Variants in SLC24A2 observed in about 807,000 individuals in gnomAD.
SLC24A2 encodes the protein sodium/potassium/calcium exchanger 2.
SLC24A2 carries 36 observed loss-of-function variants against 62.0 expected under a neutral mutation model. The observed-to-expected ratio is 0.58, with a 90% CI of 0.44 to 0.77. The LOEUF is 0.77. Among genes scored for constraint, SLC24A2 ranks in the 30% least tolerant of loss-of-function variants. The pLI, the probability that SLC24A2 is intolerant of heterozygous loss-of-function variation, is 0.00. For synonymous variants in SLC24A2, 358 were observed against 294.0 expected, an observed-to-expected ratio of 1.22 and a Z score of -2.23; for missense variants, 846 against 817.9, an observed-to-expected ratio of 1.03 and a Z score of -0.42.
intron 6 of SLC24A2, among the ~76,000 whole-genome samples, chr9:19,574,249 G>A (rs545367628): frequency 6.6e-6 from 1 of 152,320 alleles, no homozygotes; most frequent in East Asian, 1.9e-4. Flanking sequence ...AAGGCAAGGG[G>A]GAGCTCGACA....
intron 4 of SLC24A2, among the ~76,000 whole-genome samples, chr9:19,602,672 AGT>A (rs1452416453): frequency 6.6e-6 from 1 of 152,184 alleles, no homozygotes; most frequent in African/African-American, 2.4e-5. Flanking sequence ...TGGTTAAAAG[AGT>A]GTGTTCTGGG....
the SLC24A2 span, among the ~76,000 whole-genome samples, chr9:19,962,511 C>G: frequency 6.6e-6 from 1 of 152,158 alleles, no homozygotes; most frequent in Non-Finnish European, 1.5e-5. Context: ...AATGTTCTTC[C>G]ATTTGTTTGT....
At chr9:19,586,504 G>C (rs528973468) in intron 5 of SLC24A2, among the ~76,000 whole-genome samples, 1 of 149,812 alleles carries the variant, frequency 6.7e-6, no homozygotes, top group South Asian at 2.1e-4. Flanking sequence ...AAACTTGCCA[G>C]ACTTTCTGCT....
At chr9:20,050,240 CAAAAAAAAAAA>C in the SLC24A2 span, among the ~76,000 whole-genome samples, 2 of 59,556 alleles carry the variant, frequency 3.4e-5, no homozygotes, top group Admixed American at 3.6e-4. Context: ...CCCGTCTCTA[CAAAAAAAAAAA>C]AAAAAAAAAA....
chr9:20,293,218 AC>A, the SLC24A2 span, among the ~76,000 whole-genome samples: 2 of 152,218 alleles, frequency 1.3e-5, no homozygotes, highest in Non-Finnish European at 2.9e-5. Context: ...AAGTTCTGAG[AC>A]ACTAGGGATT....
the SLC24A2 span, among the ~76,000 whole-genome samples, chr9:20,013,446 A>C: frequency 6.6e-6 from 1 of 152,202 alleles, no homozygotes; most frequent in Non-Finnish European, 1.5e-5. Flanking sequence ...TAGGACCTGA[A>C]GCTATGAAAC....
intron 2 of SLC24A2, among the ~76,000 whole-genome samples, chr9:19,676,278 T>A (rs1249693223): frequency 6.6e-6 from 1 of 152,198 alleles, no homozygotes; most frequent in Non-Finnish European, 1.5e-5. Context: ...GTCTGTAGAT[T>A]CTCTTGGCTT....
At chr9:20,039,895 A>T in the SLC24A2 span, among the ~76,000 whole-genome samples, 1 of 152,202 alleles carries the variant, frequency 6.6e-6, no homozygotes, top group Non-Finnish European at 1.5e-5. Context: ...TCATTTATTC[A>T]TCCATTCACT....
At chr9:19,551,605 A>G (rs945447467) in intron 7 of SLC24A2, among the ~76,000 whole-genome samples, 2 of 152,128 alleles carry the variant, frequency 1.3e-5, no homozygotes, top group African/African-American at 4.8e-5. Context: ...GACCATATAA[A>G]TAACTTTAGA....
intron 2 of SLC24A2, among the ~76,000 whole-genome samples, chr9:19,658,851 G>T (rs1359120088): frequency 2.6e-5 from 4 of 152,164 alleles, no homozygotes; most frequent in African/African-American, 9.7e-5. Flanking sequence ...CAAGGCCACT[G>T]TCCAGCAGCC....
the SLC24A2 span, among the ~76,000 whole-genome samples, chr9:19,961,676 T>C: frequency 6.6e-6 from 1 of 152,222 alleles, no homozygotes; most frequent in African/African-American, 2.4e-5. Flanking sequence ...GTAACTCATT[T>C]CTAACTAATA....
At chr9:19,832,809 C>A in the SLC24A2 span, among the ~76,000 whole-genome samples, 1 of 152,112 alleles carries the variant, frequency 6.6e-6, no homozygotes. Flanking sequence ...AGGCAACCTA[C>A]AGAATGGGAG....
chr9:20,103,754 C>T, the SLC24A2 span, among the ~76,000 whole-genome samples: 1 of 151,836 alleles, frequency 6.6e-6, no homozygotes, highest in Admixed American at 6.6e-5. Flanking sequence ...GGGGAAAAAA[C>T]AGAACAGAAA....
At chr9:19,621,225 G>A (rs974927374) in intron 3 of SLC24A2, among the ~76,000 whole-genome samples, 38 of 152,318 alleles carry the variant, frequency 2.5e-4, no homozygotes, top group African/African-American at 8.9e-4. Context: ...TGAGATACCA[G>A]AAGAAATCAC....
the SLC24A2 span, among the ~76,000 whole-genome samples, chr9:20,230,367 C>T: frequency 6.6e-6 from 1 of 152,146 alleles, no homozygotes; most frequent in Non-Finnish European, 1.5e-5. Flanking sequence ...AAAAGTGTTC[C>T]TATTTCTCCA....
chr9:20,025,622 T>A, the SLC24A2 span, among the ~76,000 whole-genome samples: 818 of 152,214 alleles, frequency 5.4e-3, 8 homozygotes, highest in African/African-American at 0.016. Flanking sequence ...AGAGGAGCTA[T>A]GAAGATGAAT....
chr9:20,007,447 GTCTAA>G, the SLC24A2 span, among the ~76,000 whole-genome samples: 23 of 152,116 alleles, frequency 1.5e-4, no homozygotes, highest in Admixed American at 6.5e-4. Flanking sequence ...TGTTTTCTAA[GTCTAA>G]TCTAGGTTCT....
chr9:19,601,496 T>C (rs2132911510), intron 4 of SLC24A2, among the ~76,000 whole-genome samples: 2 of 152,268 alleles, frequency 1.3e-5, no homozygotes, highest in East Asian at 3.9e-4. Context: ...TTAAGAGCTA[T>C]AACACTCACC....
intron 2 of SLC24A2, among the ~76,000 whole-genome samples, chr9:19,741,131 C>T (rs749403866): frequency 3.3e-5 from 5 of 152,184 alleles, no homozygotes; most frequent in African/African-American, 7.2e-5. Flanking sequence ...CTGCTGCCAT[C>T]AGCTAATCTT....
Sources: gnomAD v4.1 joint callset for allele counts (sites outside exome capture counted in the v4.1 genomes callset) on GRCh38, gnomAD v4.1.1 for gene constraint, MANE v1.5 for transcripts, NCBI Gene and HGNC (gene_info 2026-07-23, HGNC 2026-07-21) for gene names.